Variants in RNGTT observed in about 807,000 individuals in gnomAD.
RNGTT encodes the protein mRNA-capping enzyme.
A neutral mutation model predicts 79.3 loss-of-function variants in RNGTT; 33 were observed. The observed-to-expected ratio is 0.42, with a 90% CI of 0.32 to 0.56. The LOEUF (loss-of-function observed/expected upper bound fraction) is 0.56. Among genes scored for constraint, RNGTT ranks in the 20% least tolerant of loss-of-function variants. RNGTT has a pLI of 0.17. For missense variants in RNGTT, 497 were observed against 739.1 expected (o/e 0.67, Z 3.80); for synonymous variants, 222 against 235.9 (o/e 0.94, Z 0.54).
chr6:88,725,390 A>T (rs932611596), intron 13 of RNGTT, among the ~76,000 whole-genome samples: 1 of 152,220 alleles, frequency 6.6e-6, no homozygotes, highest in Non-Finnish European at 1.5e-5. Context: ...GGTGGTTGGG[A>T]CTGAGGAAAA....
chr6:88,959,761 A>C (rs1785553899), intron 1 of RNGTT, among the ~76,000 whole-genome samples: 2 of 152,278 alleles, frequency 1.3e-5, no homozygotes, highest in Non-Finnish European at 2.9e-5. Flanking sequence ...GAAAAAAAAA[A>C]CTGCAATTGT....
intron 13 of RNGTT, among the ~76,000 whole-genome samples, chr6:88,767,540 C>T (rs1237598634): frequency 6.6e-6 from 1 of 151,820 alleles, no homozygotes; most frequent in Non-Finnish European, 1.5e-5. Flanking sequence ...CCCAATGAAA[C>T]AATCCGAGAG....
At chr6:88,661,011 G>A (rs570656716) in intron 14 of RNGTT, among the ~76,000 whole-genome samples, 126 of 152,106 alleles carry the variant, frequency 8.3e-4, no homozygotes, top group African/African-American at 2.9e-3. Context: ...AACTCCAAAA[G>A]GAACCCTCCA....
intron 1 of RNGTT, among the ~76,000 whole-genome samples, chr6:88,946,067 G>A (rs1216190229): frequency 2.0e-5 from 3 of 152,174 alleles, no homozygotes; most frequent in Admixed American, 2.0e-4. Flanking sequence ...TTGCTTTACT[G>A]TAATTCACAG....
At chr6:88,892,957 TTATC>T (rs1783098937) in intron 6 of RNGTT, among the ~76,000 whole-genome samples, 1 of 152,074 alleles carries the variant, frequency 6.6e-6, no homozygotes, top group African/African-American at 2.4e-5. Flanking sequence ...CTTTTTGTAC[TTATC>T]TGTCTTCTAC....
chr6:88,913,453 A>C (rs141402117), intron 4 of RNGTT, among the ~76,000 whole-genome samples: 104 of 152,278 alleles, frequency 6.8e-4, no homozygotes, highest in African/African-American at 2.4e-3. Context: ...AGACACAAAA[A>C]TCCTCAAAAA....
chr6:88,673,925 A>G (rs1774753909), intron 14 of RNGTT, among the ~76,000 whole-genome samples: 1 of 152,248 alleles, frequency 6.6e-6, no homozygotes, highest in South Asian at 2.1e-4. Context: ...CATTGGACAG[A>G]AAAATATTGA....
intron 14 of RNGTT, among the ~76,000 whole-genome samples, chr6:88,651,023 G>C (rs1426625205): frequency 6.6e-6 from 1 of 151,882 alleles, no homozygotes; most frequent in Non-Finnish European, 1.5e-5. Context: ...AACAACTAAG[G>C]AAGATAAACA....
intron 14 of RNGTT, among the ~76,000 whole-genome samples, chr6:88,674,748 T>C (rs1257622803): frequency 6.6e-6 from 1 of 151,060 alleles, no homozygotes; most frequent in African/African-American, 2.4e-5. Flanking sequence ...GAAACAAATG[T>C]GAAAAAAAAA....
intron 11 of RNGTT, among the ~76,000 whole-genome samples, chr6:88,803,592 A>T (rs576428913): frequency 0.02 from 3,077 of 150,996 alleles, 124 homozygotes; most frequent in African/African-American, 0.071. Flanking sequence ...AAAAAAAAAA[A>T]AAAAACTAAA....
At position 88,853,622 on chromosome 6, in the gene RNGTT, G is replaced by T; in HGVS notation, c.1032+7C>A. On this transcript the variant is annotated splice_region_variant and intron_variant, in intron 9 of 15. Transcript: ENST00000369485. ...TTAATTTTATAGTATACATAAATAT[G>T]ACTTACGCCATCCAAGAGAGTATTT... The T allele has an allele frequency of 2.6e-6, 4 of 1,553,338 alleles. No individual in the cohort carries two copies. In the South Asian group the frequency reaches 3.5e-5, roughly 14 times the overall value.
At chr6:88,953,094 C>G (rs1459403096) in intron 1 of RNGTT, among the ~76,000 whole-genome samples, 2 of 152,092 alleles carry the variant, frequency 1.3e-5, no homozygotes, top group Non-Finnish European at 2.9e-5. Flanking sequence ...CATACTAGCT[C>G]CCCAGCAATG....
At chr6:88,757,866 G>T (rs1246467929) in intron 13 of RNGTT, among the ~76,000 whole-genome samples, 2 of 152,120 alleles carry the variant, frequency 1.3e-5, no homozygotes, top group Non-Finnish European at 2.9e-5. Flanking sequence ...TAAACTCTTT[G>T]AAATTTTCCA....
At chr6:88,756,585 C>T (rs1246201540) in intron 13 of RNGTT, among the ~76,000 whole-genome samples, 1 of 152,100 alleles carries the variant, frequency 6.6e-6, no homozygotes, top group African/African-American at 2.4e-5. Flanking sequence ...TAAGAGGCTA[C>T]AGACTGAGTT....
chr6:88,888,267 G>A (rs149685587), intron 8 of RNGTT, among the ~76,000 whole-genome samples: 7 of 152,116 alleles, frequency 4.6e-5, no homozygotes, highest in African/African-American at 1.4e-4. Context: ...TTGACCTCAC[G>A]TTTTCCACTC....
intron 12 of RNGTT, among the ~76,000 whole-genome samples, chr6:88,784,728 G>C (rs549027084): frequency 6.6e-6 from 1 of 152,146 alleles, no homozygotes; most frequent in East Asian, 1.9e-4. Context: ...ATAAGCATAA[G>C]GGATAAGAAA....
At chr6:88,768,535 T>A (rs572705282) in intron 13 of RNGTT, among the ~76,000 whole-genome samples, 184 of 152,366 alleles carry the variant, frequency 1.2e-3, no homozygotes, top group African/African-American at 4.1e-3. Context: ...AGTTTCTTAA[T>A]ATATTTTAAT....
chr6:88,919,630 T>C (rs1211741942), intron 4 of RNGTT, among the ~76,000 whole-genome samples: 3 of 152,002 alleles, frequency 2.0e-5, no homozygotes, highest in Admixed American at 2.0e-4. Context: ...ACAATTTTAT[T>C]TCTATCTCAC....
intron 14 of RNGTT, among the ~76,000 whole-genome samples, chr6:88,639,256 C>A (rs1402352957): frequency 6.6e-6 from 1 of 151,586 alleles, no homozygotes; most frequent in Non-Finnish European, 1.5e-5. Context: ...AGTAAGTAAC[C>A]CTTTTGGGTT....
Sources: allele counts gnomAD v4.1 joint callset (sites outside exome capture counted in the v4.1 genomes callset), GRCh38; gene constraint gnomAD v4.1.1; transcripts MANE v1.5; gene names NCBI Gene and HGNC (gene_info 2026-07-23, HGNC 2026-07-21).